CNTN4: variants seen among roughly 807,000 people sequenced by gnomAD.
CNTN4 encodes contactin 4, also known as contactin-4.
Under a neutral mutation model 122.5 loss-of-function variants are expected in CNTN4, and 77 were observed. The observed-to-expected ratio is 0.63, with a 90% CI of 0.52 to 0.76. The LOEUF (loss-of-function observed/expected upper bound fraction) is 0.76, where lower values mean the gene tolerates loss of function less well. Ranked by LOEUF, CNTN4 falls within the 30% of genes least tolerant of loss-of-function variation. The probability of loss-of-function intolerance (pLI) is 0.00; values close to 1 mark genes in which losing one functional copy is unlikely to be tolerated. For synonymous variants in CNTN4, 512 were observed against 447.0 expected, an observed-to-expected ratio of 1.15 and a Z score of -1.83; for missense variants, 1,256 against 1,259.1, an observed-to-expected ratio of 1.00 and a Z score of 0.04.
At chr3:2,868,178 C>T (rs905804366) in intron 8 of CNTN4, among the ~76,000 whole-genome samples, 2 of 152,178 alleles carry the variant, frequency 1.3e-5, no homozygotes, top group African/African-American at 4.8e-5. Flanking sequence ...TTAATATGTG[C>T]CTAGTCACTG....
At position 3,026,204 on chromosome 3, in the gene CNTN4, T is replaced by C; in HGVS notation, c.1589T>C (p.Val530Ala). The C allele has an allele frequency of 1.2e-6, 2 of 1,613,544 alleles. No homozygotes were observed. The highest frequency in any genetic ancestry group is 1.7e-6 in the Non-Finnish European group (2 of 1,179,570). Residue 530 changes from valine (V) to alanine (A), a missense_variant, in exon 15 of 25, where the codon GTG becomes GCG. By Grantham distance (64) the Val-to-Ala change is moderately conservative. Coordinates refer to ENST00000418658, the MANE Select transcript of CNTN4 (RefSeq NM_175607.3). ...QVTHDHSLDI[V>A]FTWSFNGHLI... is the part of the protein sequence containing the mutation. ...ACGCATGATCACTCGCTAGACATCG[T>C]GTTTACTTGGTCATTTAATGGACAC...
rs180863224 is a variant in CNTN4, at chr3:2,853,723, G to A, written c.455-13029G>A. The stretch of plus-strand genomic sequence containing the variant: ...TTAGACATGAGCATGGACACTTTGC[G>A]CTCGCTCTCTGTTTTGGCGTCTTGA... On this transcript the variant is annotated intron_variant, in intron 7 of 24. Transcript: ENST00000418658. 1.6e-4 allele frequency among the ~76,000 whole-genome samples: 25 copies of A among 152,234 alleles called. No homozygotes were observed. The East Asian group carries it at 4.2e-3, about 26-fold the overall frequency.
At chr3:2,194,142 A>G (rs2037722729) in intron 2 of CNTN4, among the ~76,000 whole-genome samples, 1 of 152,164 alleles carries the variant, frequency 6.6e-6, no homozygotes, top group Non-Finnish European at 1.5e-5. Context: ...TCAAATGTTC[A>G]GGGAAAATAA....
At chr3:3,020,700 T>C (rs1328873253) in intron 14 of CNTN4, among the ~76,000 whole-genome samples, 3 of 152,220 alleles carry the variant, frequency 2.0e-5, no homozygotes, top group African/African-American at 7.2e-5. Context: ...AGAATATGCC[T>C]GTTTGTAGTT....
intron 4 of CNTN4, among the ~76,000 whole-genome samples, chr3:2,646,714 G>T (rs1282590894): frequency 6.6e-6 from 1 of 152,192 alleles, no homozygotes; most frequent in African/African-American, 2.4e-5. Context: ...AGAAGTCCAA[G>T]ATCAAGGCTT....
chr3:3,012,982 TA>T (rs201842133), intron 14 of CNTN4, among the ~76,000 whole-genome samples: 3 of 151,490 alleles, frequency 2.0e-5, no homozygotes, highest in African/African-American at 7.3e-5. Flanking sequence ...AATAAAAAAA[TA>T]AAAAAAACCC....
At chr3:3,039,885 G>T (rs1253392483) in intron 19 of CNTN4, 152 bp from the exon 20 acceptor site, 2 of 691,944 alleles carry the variant, frequency 2.9e-6, no homozygotes, top group Non-Finnish European at 5.3e-6. Flanking sequence ...TAGACTGACT[G>T]CAAGCCCTAA....
chr3:2,796,489 T>C (rs879874523), intron 6 of CNTN4, among the ~76,000 whole-genome samples: 1 of 152,186 alleles, frequency 6.6e-6, no homozygotes, highest in Admixed American at 6.5e-5. Flanking sequence ...TGTGCCCTTA[T>C]TTCTCTAAGA....
At chr3:2,575,261 C>G (rs909965917) in intron 4 of CNTN4, among the ~76,000 whole-genome samples, 2 of 151,850 alleles carry the variant, frequency 1.3e-5, no homozygotes, top group Non-Finnish European at 1.5e-5. Flanking sequence ...GCCTGTAATC[C>G]CAGCACTTTG....
At chr3:2,184,692 A>G (rs1237836513) in intron 2 of CNTN4, among the ~76,000 whole-genome samples, 3 of 152,142 alleles carry the variant, frequency 2.0e-5, no homozygotes, top group Non-Finnish European at 2.9e-5. Context: ...CCATCCCTTC[A>G]TGTAAGGACA....
chr3:2,517,267 G>A (rs1025189559), intron 3 of CNTN4, among the ~76,000 whole-genome samples: 2 of 152,034 alleles, frequency 1.3e-5, no homozygotes, highest in Non-Finnish European at 2.9e-5. Context: ...GAGTGTTTCT[G>A]GAGTAGTTAA....
chr3:2,815,898 A>G (rs1429648723), intron 6 of CNTN4, among the ~76,000 whole-genome samples: 1 of 148,748 alleles, frequency 6.7e-6, no homozygotes, highest in African/African-American at 2.5e-5. Context: ...ATATGATGGA[A>G]TACTATGTAG....
intron 3 of CNTN4, among the ~76,000 whole-genome samples, chr3:2,468,064 C>G (rs992952228): frequency 1.3e-5 from 2 of 152,244 alleles, no homozygotes; most frequent in Middle Eastern, 3.4e-3. Context: ...CCATGCTGCT[C>G]CTAGTGAATT....
chr3:2,614,876 C>T (rs1171689713), intron 4 of CNTN4, among the ~76,000 whole-genome samples: 2 of 151,982 alleles, frequency 1.3e-5, no homozygotes, highest in African/African-American at 4.8e-5. Flanking sequence ...AAGAAGTGCC[C>T]ACACAGTTAT....
intron 4 of CNTN4, among the ~76,000 whole-genome samples, chr3:2,658,965 GACACACACAC>G (rs67168398): frequency 0.031 from 4,292 of 139,678 alleles, 99 homozygotes; most frequent in Non-Finnish European, 0.042. Flanking sequence ...CACACAAACA[GACACACACAC>G]ACACACACAC....
chr3:2,226,041 A>G (rs1386972684), intron 2 of CNTN4, among the ~76,000 whole-genome samples: 5 of 152,188 alleles, frequency 3.3e-5, no homozygotes, highest in Admixed American at 2.0e-4. Flanking sequence ...ATTATTTGCC[A>G]GGCTACAGTG....
chr3:2,233,123 G>A (rs535257764), intron 2 of CNTN4, among the ~76,000 whole-genome samples: 5 of 151,118 alleles, frequency 3.3e-5, no homozygotes, highest in African/African-American at 1.2e-4. Context: ...AACTAATGGG[G>A]GTCAGACTGA....
At chr3:2,732,402 A>G (rs143147215) in intron 4 of CNTN4, among the ~76,000 whole-genome samples, 8 of 152,062 alleles carry the variant, frequency 5.3e-5, no homozygotes, top group African/African-American at 1.9e-4. Flanking sequence ...GACGCATTGT[A>G]TTATTAAATC....
intron 3 of CNTN4, among the ~76,000 whole-genome samples, chr3:2,554,328 A>G (rs1227734419): frequency 2.6e-5 from 4 of 152,004 alleles, no homozygotes; most frequent in Admixed American, 2.0e-4. Flanking sequence ...TTAATTTCTA[A>G]ACAGGATTTA....
Sources: gnomAD v4.1 joint callset for allele counts (sites outside exome capture counted in the v4.1 genomes callset) on GRCh38, gnomAD v4.1.1 for gene constraint, MANE v1.5 for transcripts, NCBI Gene and HGNC (gene_info 2026-07-23, HGNC 2026-07-21) for gene names.